The following ABTB2 variants were observed in gnomAD, a reference collection of about 807,000 sequenced individuals.
ABTB2 encodes the protein ankyrin repeat and BTB domain containing 2, also known as ankyrin repeat and BTB/POZ domain-containing protein 2.
ABTB2 carries 56 observed loss-of-function variants against 104.1 expected under a neutral mutation model. The observed-to-expected ratio is 0.54, with a 90% CI of 0.43 to 0.67. ABTB2 has a LOEUF of 0.67. Among genes scored for constraint, ABTB2 ranks in the 30% least tolerant of loss-of-function variants. The probability of loss-of-function intolerance (pLI) is 0.00; values close to 1 mark genes in which losing one functional copy is unlikely to be tolerated. For synonymous variants in ABTB2, 606 were observed against 608.2 expected, an observed-to-expected ratio of 1.00 and a Z score of 0.05; for missense variants, 1,279 against 1,407.7, an observed-to-expected ratio of 0.91 and a Z score of 1.46.
At chr11:34,355,158 G>T (rs1048186275) in intron 1 of ABTB2, among the ~76,000 whole-genome samples, 6 of 152,240 alleles carry the variant, frequency 3.9e-5, no homozygotes, top group Non-Finnish European at 8.8e-5. Flanking sequence ...AGTAAGCCAT[G>T]CTTGGTACAG....
intron 10 of ABTB2, 56 bp from the exon 11 acceptor site, chr11:34,161,137 A>G: frequency 6.7e-7 from 1 of 1,495,958 alleles, no homozygotes; most frequent in Non-Finnish European, 9.0e-7. Context: ...CGCTCCCGGC[A>G]CAGACCACAG....
At chr11:34,241,322 C>T (rs936702536) in intron 1 of ABTB2, among the ~76,000 whole-genome samples, 2 of 152,084 alleles carry the variant, frequency 1.3e-5, no homozygotes, top group African/African-American at 4.8e-5. Flanking sequence ...TCCCCATGTG[C>T]GTTGAGAGAG....
At chr11:34,278,868 G>A (rs1014965251) in intron 1 of ABTB2, among the ~76,000 whole-genome samples, 3 of 152,214 alleles carry the variant, frequency 2.0e-5, no homozygotes, top group Non-Finnish European at 4.4e-5. Context: ...CTTAGGAGAT[G>A]TGCTTCAGGT....
chr11:34,232,452 A>AAAAAAAAAG (rs1444678172), intron 1 of ABTB2, among the ~76,000 whole-genome samples: 1 of 151,016 alleles, frequency 6.6e-6, no homozygotes, highest in African/African-American at 2.4e-5. Flanking sequence ...TCTGTCTCAA[A>AAAAAAAAAG]AAAAAAAAAA....
chr11:34,179,776 T>C (rs1322535487), intron 3 of ABTB2, among the ~76,000 whole-genome samples: 1 of 152,228 alleles, frequency 6.6e-6, no homozygotes, highest in Non-Finnish European at 1.5e-5. Flanking sequence ...TAGCTGTACC[T>C]ACTGCATGGT....
chr11:34,205,144 A>T (rs774514771), intron 1 of ABTB2, among the ~76,000 whole-genome samples: 22 of 152,170 alleles, frequency 1.4e-4, no homozygotes, highest in Non-Finnish European at 3.1e-4. Context: ...AAGAGACCTG[A>T]CTTTGTTTTC....
rs1301938071 is a variant in ABTB2 at position 34,152,507 on chromosome 11, A to C, written c.2958T>G (p.Asp986Glu). 4 of 1,611,040 alleles carry C rather than the reference A, an allele frequency of 2.5e-6. No homozygotes were observed. The South Asian group carries it at 3.3e-5, about 13-fold the overall frequency. The change falls in exon 17 of 17, where the codon GAT becomes GAG. Residue 986 changes from aspartate to glutamate, a missense_variant. Coordinates refer to ENST00000435224, the MANE Select transcript of ABTB2 (RefSeq NM_145804.3). ...LKHMKALLEQ[D>E]AFRQLIYGRS... is the part of the protein sequence containing the mutation. Reference sequence around the variant, plus strand: ...GGCCGTAGATGAGCTGCCGGAAGGCATCCTGCTCCAGTAGGGCCTTCATGT... The same window carrying C: ...GGCCGTAGATGAGCTGCCGGAAGGCCTCCTGCTCCAGTAGGGCCTTCATGT...
At chr11:34,180,867 C>T (rs1406931837) in intron 3 of ABTB2, among the ~76,000 whole-genome samples, 1 of 152,138 alleles carries the variant, frequency 6.6e-6, no homozygotes, top group East Asian at 1.9e-4. Flanking sequence ...TTATTCCCCC[C>T]TTTAAAAAAT....
rs765133581 is a variant in ABTB2 at position 34,355,883 on chromosome 11, A to G, written c.883+818T>C. ...ATCTTCAGGGAAGTGCAACCACCCA[A>G]TGGTTCCTTTCCCAGACTTGACCCC... On this transcript the variant is annotated intron_variant, in intron 1 of 16. Coordinates refer to ENST00000435224, the MANE Select transcript of ABTB2 (RefSeq NM_145804.3). Among the ~76,000 whole-genome samples, 203 of 152,068 alleles carry G rather than the reference A, an allele frequency of 1.3e-3. 4 individuals are homozygous for G. Among genetic ancestry groups the G allele is most frequent in the Non-Finnish European group, 6.0e-4 (41 of 68,022 alleles).
intron 1 of ABTB2, among the ~76,000 whole-genome samples, chr11:34,340,417 C>T (rs556211028): frequency 6.6e-6 from 1 of 152,256 alleles, no homozygotes; most frequent in East Asian, 1.9e-4. Flanking sequence ...TTAGTATAAT[C>T]GCCATTTCGC....
intron 1 of ABTB2, among the ~76,000 whole-genome samples, chr11:34,231,811 A>G (rs1853773007): frequency 6.6e-6 from 1 of 152,170 alleles, no homozygotes; most frequent in African/African-American, 2.4e-5. Flanking sequence ...TATGATGAGT[A>G]TGACACTTTA....
rs566386049 is a variant in ABTB2, at chr11:34,282,005, A to G, written c.883+74696T>C. Among the ~76,000 whole-genome samples, 7 of 152,312 alleles carry G rather than the reference A, an allele frequency of 4.6e-5. No homozygotes were observed. In the South Asian group the frequency reaches 1.5e-3, roughly 32 times the overall value. ...TAGTTCGTTTGAGCTGTTCTAGCAAAATACCATAATGTAGGTAGGTGACTT... is the reference window on the plus strand; with the variant it reads ...TAGTTCGTTTGAGCTGTTCTAGCAAGATACCATAATGTAGGTAGGTGACTT... On this transcript the variant is annotated intron_variant, in intron 1 of 16. Transcript: ENST00000435224.
At chr11:34,185,214 G>A (rs748182528) in intron 3 of ABTB2, among the ~76,000 whole-genome samples, 15 of 152,226 alleles carry the variant, frequency 9.9e-5, no homozygotes, top group South Asian at 4.1e-4. Context: ...AAGCAGTGGC[G>A]TGAGGGCTCT....
At chr11:34,318,434 T>C (rs1312644089) in intron 1 of ABTB2, among the ~76,000 whole-genome samples, 1 of 152,190 alleles carries the variant, frequency 6.6e-6, no homozygotes, top group African/African-American at 2.4e-5. Context: ...AAGACATGAT[T>C]CCAAGGAATG....
At chr11:34,295,753 T>C (rs530404473) in intron 1 of ABTB2, among the ~76,000 whole-genome samples, 1 of 152,142 alleles carries the variant, frequency 6.6e-6, no homozygotes, top group East Asian at 1.9e-4. Context: ...TGGGTTCTGG[T>C]GAGGGCCCTC....
In ABTB2 at chr11:34,357,942, C is replaced by T; in HGVS notation, c.-359G>A. 1 of 229,800 alleles carries T rather than the reference C, an allele frequency of 4.4e-6. No individual in the cohort carries two copies. Among genetic ancestry groups the T allele is most frequent in the Non-Finnish European group, 8.4e-6 (1 of 119,370 alleles). The allele number at this position is 229,800 out of a possible 1,614,324, so 14.2% of individuals were successfully genotyped here. On this transcript the variant is annotated 5_prime_UTR_variant, in exon 1 of 17. Coordinates refer to ENST00000435224, the MANE Select transcript of ABTB2 (RefSeq NM_145804.3). ...CGGCGGCGGCAGAAGGAGGAGGCGGCGGCGCAGGGCGCAGGGCGCAGCGCG... is the reference window on the plus strand; with the variant it reads ...CGGCGGCGGCAGAAGGAGGAGGCGGTGGCGCAGGGCGCAGGGCGCAGCGCG...
intron 1 of ABTB2, among the ~76,000 whole-genome samples, chr11:34,224,385 C>T (rs541856866): frequency 2.0e-5 from 3 of 152,296 alleles, no homozygotes; most frequent in African/African-American, 7.2e-5. Context: ...TCAAGCCATC[C>T]TCCCATCTCA....
chr11:34,297,664 G>A (rs1368752549), intron 1 of ABTB2, among the ~76,000 whole-genome samples: 1 of 151,730 alleles, frequency 6.6e-6, no homozygotes, highest in Admixed American at 6.6e-5. Flanking sequence ...TACTCAGGAG[G>A]CTGAGGCAGA....
intron 1 of ABTB2, among the ~76,000 whole-genome samples, chr11:34,235,128 T>C (rs1311818313): frequency 6.6e-6 from 1 of 152,204 alleles, no homozygotes; most frequent in Non-Finnish European, 1.5e-5. Flanking sequence ...CCCAAAGTGC[T>C]GGGATTACAG....
Sources: gnomAD v4.1 joint callset for allele counts (sites outside exome capture counted in the v4.1 genomes callset) on GRCh38, gnomAD v4.1.1 for gene constraint, MANE v1.5 for transcripts, NCBI Gene and HGNC (gene_info 2026-07-23, HGNC 2026-07-21) for gene names.